The following NUSAP1 variants were observed in gnomAD, a reference collection of about 807,000 sequenced individuals.
The protein encoded by NUSAP1 is nucleolar and spindle associated protein 1.
A neutral mutation model predicts 52.8 loss-of-function variants in NUSAP1; 32 were observed. That is an observed-to-expected ratio of 0.61 (90% confidence interval 0.46 to 0.81). NUSAP1 has a LOEUF of 0.81. NUSAP1 is among the 40% of genes least tolerant of loss of function. NUSAP1 has a pLI of 0.00. For missense variants in NUSAP1, 499 were observed against 522.3 expected, an observed-to-expected ratio of 0.96 and a Z score of 0.43; for synonymous variants, 195 against 183.1, an observed-to-expected ratio of 1.06 and a Z score of -0.52.
intron 7 of NUSAP1, among the ~76,000 whole-genome samples, chr15:41,369,553 C>A (rs2049572811): frequency 1.3e-5 from 2 of 151,894 alleles, no homozygotes; most frequent in Admixed American, 6.6e-5. Flanking sequence ...GAGGCTGAGG[C>A]AAGAGAATCG....
intron 7 of NUSAP1, among the ~76,000 whole-genome samples, chr15:41,370,198 A>C (rs2049610182): frequency 6.6e-6 from 1 of 151,660 alleles, no homozygotes; most frequent in Non-Finnish European, 1.5e-5. Context: ...TGGCTAACAC[A>C]GTGAAACCCC....
intron 7 of NUSAP1, among the ~76,000 whole-genome samples, chr15:41,366,709 TTTTCTGGTATTTCATATA>T (rs1320304629): frequency 1.3e-5 from 2 of 152,360 alleles, no homozygotes; most frequent in African/African-American, 4.8e-5. Context: ...TTTGAATTCT[TTTTCTGGTATTTCATATA>T]TTTCCCTATG....
At chr15:41,363,264 C>T (rs1039212264) in intron 6 of NUSAP1, among the ~76,000 whole-genome samples, 1 of 142,242 alleles carries the variant, frequency 7.0e-6, no homozygotes, top group Non-Finnish European at 1.5e-5. Context: ...CCAGACTGGG[C>T]GACAGAGCAA....
At chr15:41,347,674 C>T (rs1386434373) in intron 2 of NUSAP1, among the ~76,000 whole-genome samples, 1 of 151,856 alleles carries the variant, frequency 6.6e-6, no homozygotes, top group African/African-American at 2.4e-5. Flanking sequence ...ATTAGCCAGG[C>T]GTGGTGGCGG....
intron 6 of NUSAP1, 131 bp downstream of exon 6, chr15:41,358,389 A>G (rs1476487259): frequency 1.7e-5 from 10 of 571,790 alleles, no homozygotes; most frequent in Non-Finnish European, 2.8e-5. Context: ...ATATATCTTT[A>G]TCTAAAACTT....
At position 41,346,911 on chromosome 15, in the gene NUSAP1, G is replaced by T. The variant is rs1044718698; in HGVS notation, c.163-2187G>T. On this transcript the variant is annotated intron_variant, in intron 2 of 10. Transcript: ENST00000559596. ...TGTATGGCCAGGCACAGTGGCTCAC[G>T]CCTGTAATCCCACCACTTTGGGAGG... 4.6e-5 allele frequency among the ~76,000 whole-genome samples: 7 copies of T among 151,662 alleles called. No homozygotes were observed. In the South Asian group the frequency reaches 1.5e-3, roughly 32 times the overall value.
chr15:41,377,027 G>A lies in NUSAP1; in HGVS notation c.1124-169G>A, dbSNP rs563663110. 5.3e-4 allele frequency among the ~76,000 whole-genome samples: 81 copies of A among 152,104 alleles called. 2 individuals carry two copies. In the South Asian group the frequency reaches 0.015, roughly 28 times the overall value. ...GGAGGCGGAGGTTGCTGTGAGCTGAGATCAGATCACACCACTGCACTCCAA... is the reference window on the plus strand; with the variant it reads ...GGAGGCGGAGGTTGCTGTGAGCTGAAATCAGATCACACCACTGCACTCCAA... On this transcript the variant is annotated intron_variant, in intron 9 of 10. Transcript: ENST00000559596.
Position 41,377,308 on chromosome 15 carries a change from AG to A in NUSAP1, c.1232+5del. On this transcript the variant is annotated splice_donor_5th_base_variant and intron_variant, in intron 10 of 10. Transcript: ENST00000559596. ...AACAACCCCATCTCCAGACAAAGTA[AG>A]TACATAATTATCCAGCTTTATAATT... 1 of 1,362,424 alleles carries A rather than the reference AG, an allele frequency of 7.3e-7. No homozygotes were observed. The highest frequency in any genetic ancestry group is 1.5e-5 in the African/African-American group (1 of 68,068). The allele number at this position is 1,362,424 out of a possible 1,614,324, so 84.4% of individuals were successfully genotyped here. A position where few individuals can be genotyped will look rare whatever the true frequency, so the allele number is the denominator to read the frequency against.
chr15:41,364,860 T>A (rs949997248), intron 6 of NUSAP1, among the ~76,000 whole-genome samples: 1 of 151,602 alleles, frequency 6.6e-6, no homozygotes, highest in Admixed American at 6.6e-5. Flanking sequence ...AGAGCCAGAC[T>A]CTGTCTCAAA....
At chr15:41,342,256 T>A in intron 1 of NUSAP1, 130 bp from the exon 2 acceptor site, 1 of 646,758 alleles carries the variant, frequency 1.5e-6, no homozygotes, top group Non-Finnish European at 2.7e-6. Context: ...ACCCATTCTT[T>A]CTAAGTAATG....
At chr15:41,361,333 C>T (rs796448010) in intron 6 of NUSAP1, among the ~76,000 whole-genome samples, 4 of 151,616 alleles carry the variant, frequency 2.6e-5, no homozygotes, top group African/African-American at 7.3e-5. Flanking sequence ...GCAGAGGTTG[C>T]GGTGAGCCGA....
At chr15:41,356,226 C>T in intron 5 of NUSAP1, 86 bp downstream of exon 5, 1 of 782,620 alleles carries the variant, frequency 1.3e-6, no homozygotes. Flanking sequence ...AGCATAGAGG[C>T]TGGAACCAGT....
intron 3 of NUSAP1, among the ~76,000 whole-genome samples, chr15:41,350,417 C>A (rs377553987): frequency 1.3e-5 from 2 of 150,528 alleles, no homozygotes; most frequent in Admixed American, 6.7e-5. Context: ...TTAAGAAGCC[C>A]GGGAAAAGAG....
At chr15:41,371,452 T>C in intron 7 of NUSAP1, 75 bp from the exon 8 acceptor site, 1 of 1,258,588 alleles carries the variant, frequency 7.9e-7, no homozygotes, top group Non-Finnish European at 1.1e-6. Context: ...AATAGTCAAG[T>C]GGTTTTATTT....
intron 4 of NUSAP1, among the ~76,000 whole-genome samples, chr15:41,353,378 G>A (rs1272053804): frequency 6.6e-6 from 1 of 152,108 alleles, no homozygotes; most frequent in African/African-American, 2.4e-5. Flanking sequence ...CTAATCTCAG[G>A]TGATCGGCCC....
intron 2 of NUSAP1, chr15:41,344,271 A>T (rs1255236771): frequency 6.6e-6 from 1 of 151,858 alleles, no homozygotes; most frequent in Non-Finnish European, 1.5e-5. Context: ...TATTCCAGCA[A>T]CATGTGTAAC....
intron 4 of NUSAP1, among the ~76,000 whole-genome samples, chr15:41,351,670 C>G (rs2048783329): frequency 6.6e-6 from 1 of 152,062 alleles, no homozygotes; most frequent in Non-Finnish European, 1.5e-5. Flanking sequence ...ACCTGTGGTC[C>G]CAGCTACTCA....
In NUSAP1 at chr15:41,380,298, T is replaced by C; in HGVS notation, c.*112T>C. On this transcript the variant is annotated 3_prime_UTR_variant, in exon 11 of 11. Coordinates refer to ENST00000559596, the MANE Select transcript of NUSAP1 (RefSeq NM_016359.5). ...AGTCACGAGATCTTTTTCTGCTAAC[T>C]GTTCATAGTCTGTGTAGTGTCCATG... 1.4e-6 allele frequency: 1 copy of C among 690,590 alleles called. No individual in the cohort carries two copies. The highest frequency in any genetic ancestry group is 1.8e-5 in the South Asian group (1 of 54,606). The allele number at this position is 690,590 out of a possible 1,614,324, so 42.8% of individuals were successfully genotyped here.
intron 1 of NUSAP1, among the ~76,000 whole-genome samples, chr15:41,333,876 C>A (rs1487478286): frequency 2.0e-5 from 3 of 152,190 alleles, no homozygotes; most frequent in African/African-American, 7.2e-5. Flanking sequence ...CGCACCACTG[C>A]ACTCCAACTT....
Sources: allele counts gnomAD v4.1 joint callset (sites outside exome capture counted in the v4.1 genomes callset), GRCh38; gene constraint gnomAD v4.1.1; transcripts MANE v1.5; gene names NCBI Gene and HGNC (gene_info 2026-07-23, HGNC 2026-07-21).